The following AFF3 variants were observed in gnomAD, a reference collection of about 807,000 sequenced individuals.
AFF3 encodes AF4/FMR2 family member 3.
In AFF3, 32 loss-of-function variants were observed where a neutral mutation model predicts 129.7. The ratio of observed to expected loss-of-function variants is 0.25; its 90% CI spans 0.19 to 0.33. AFF3 has a LOEUF of 0.33. Ranked by LOEUF, AFF3 falls within the 10% of genes least tolerant of loss-of-function variation. The pLI, the probability that AFF3 is intolerant of heterozygous loss-of-function variation, is 1.00. For synonymous variants in AFF3, 644 were observed against 635.4 expected, an observed-to-expected ratio of 1.01 and a Z score of -0.20; for missense variants, 1,373 against 1,592.0, an observed-to-expected ratio of 0.86 and a Z score of 2.34.
intron 4 of AFF3, among the ~76,000 whole-genome samples, chr2:100,014,159 T>C (rs991894594): frequency 5.3e-5 from 8 of 151,752 alleles, no homozygotes; most frequent in Admixed American, 2.6e-4. Flanking sequence ...GCATTTCCCA[T>C]GGAGGAGACT....
In AFF3 at chr2:99,570,177, C is replaced by T. The variant is rs955505978; in HGVS notation, c.2919-1262G>A. Among the ~76,000 whole-genome samples, 80 of 152,270 alleles carry T rather than the reference C, an allele frequency of 5.3e-4. 1 individual carries two copies. In the Middle Eastern group the frequency reaches 0.01, roughly 19 times the overall value. On this transcript the variant is annotated intron_variant, in intron 18 of 24. Coordinates refer to ENST00000672756, the MANE Select transcript of AFF3 (RefSeq NM_001386135.1). ...TAGGAAGGCCCTGCTCCTGCCACTC[C>T]GTTTTCTCTCTTGCATCTCCTGGGT... is the stretch of plus-strand genomic sequence containing the variant.
At chr2:100,078,373 TTTTA>T (rs370030989) in intron 4 of AFF3, among the ~76,000 whole-genome samples, 2 of 152,182 alleles carry the variant, frequency 1.3e-5, no homozygotes, top group Non-Finnish European at 2.9e-5. Context: ...CAGGGCTTGT[TTTTA>T]TTTATTTATT....
At chr2:100,139,084 G>T (rs996491507) in intron 1 of AFF3, among the ~76,000 whole-genome samples, 7 of 152,292 alleles carry the variant, frequency 4.6e-5, no homozygotes, top group East Asian at 1.9e-4. Flanking sequence ...AGGATGAAGG[G>T]CGGAAGGGAA....
Position 99,593,657 on chromosome 2 carries a change from T to C in AFF3, c.2004A>G (p.Thr668=), listed in dbSNP as rs761294646. 1 of 1,606,312 alleles carries C rather than the reference T, an allele frequency of 6.2e-7. No individual in the cohort carries two copies. Among genetic ancestry groups the C allele is most frequent in the South Asian group, 1.1e-5 (1 of 90,894 alleles). Residue 668 remains threonine, a synonymous_variant, in exon 15 of 25, where the codon ACA becomes ACG. Coordinates refer to ENST00000672756, the MANE Select transcript of AFF3 (RefSeq NM_001386135.1). ...IVPKSKEFIE[T]ESSSSSSSSD... ...AGGAGGAGGATGAAGATGACGACTC[T>C]GTCTCAATGAACTCCTTGGATTTGG...
intron 7 of AFF3, among the ~76,000 whole-genome samples, chr2:99,859,854 G>A (rs551345568): frequency 3.9e-5 from 6 of 152,078 alleles, no homozygotes; most frequent in Non-Finnish European, 7.4e-5. Context: ...TTAGGCCTGG[G>A]GGTGATCAGC....
chr2:99,925,883 T>G (rs377681291), intron 7 of AFF3, among the ~76,000 whole-genome samples: 1 of 152,050 alleles, frequency 6.6e-6, no homozygotes, highest in African/African-American at 2.4e-5. Context: ...TCCCAGGGAG[T>G]TGCTGTACTA....
chr2:99,659,286 C>T (rs1558711381), intron 12 of AFF3, among the ~76,000 whole-genome samples: 1 of 152,200 alleles, frequency 6.6e-6, no homozygotes, highest in East Asian at 1.9e-4. Flanking sequence ...ACTGTGCCTT[C>T]TGGATGTGCA....
chr2:99,642,730 C>A (rs977232125), intron 13 of AFF3, among the ~76,000 whole-genome samples: 1 of 152,202 alleles, frequency 6.6e-6, no homozygotes, highest in Non-Finnish European at 1.5e-5. Context: ...TGATGGGAGG[C>A]AAGAGAATCA....
chr2:99,723,306 G>A (rs1225177779), intron 11 of AFF3, among the ~76,000 whole-genome samples: 3 of 152,100 alleles, frequency 2.0e-5, no homozygotes, highest in South Asian at 4.1e-4. Context: ...AATCATGATC[G>A]ATCTCCCGTT....
chr2:99,581,484 T>C (rs1036534125), intron 17 of AFF3, among the ~76,000 whole-genome samples: 1 of 152,014 alleles, frequency 6.6e-6, no homozygotes, highest in Non-Finnish European at 1.5e-5. Context: ...CACTGCTCCC[T>C]CCCTCATCTT....
At position 99,593,224 on chromosome 2, in the gene AFF3, C is replaced by A; in HGVS notation, c.2437G>T (p.Ala813Ser). 1 of 1,595,492 alleles carries A rather than the reference C, an allele frequency of 6.3e-7. No individual in the cohort carries two copies. Among genetic ancestry groups the A allele is most frequent in the East Asian group, 2.2e-5 (1 of 44,460 alleles). Residue 813 changes from alanine to serine, a missense_variant, in exon 15 of 25, where the codon GCT (alanine) becomes TCT (serine). Transcript: ENST00000672756. ...SHTSDTPAEK[A>S]LPKSKRKRKC... ...CGTTTCCTCTTGGATTTTGGCAAAG[C>A]CTTTTCTGCAGGTGTGTCCGAGGTG...
At chr2:100,007,120 A>C in intron 6 of AFF3, 28 bp downstream of exon 6, 1 of 1,606,706 alleles carries the variant, frequency 6.2e-7, no homozygotes, top group Non-Finnish European at 8.5e-7. Flanking sequence ...AGATTTGTGC[A>C]AATCAAGCAA....
intron 1 of AFF3, among the ~76,000 whole-genome samples, chr2:100,142,229 T>C (rs996653098): frequency 2.7e-5 from 4 of 149,596 alleles, no homozygotes; most frequent in African/African-American, 4.9e-5. Context: ...CACACACACA[T>C]GCACACGCAC....
chr2:99,836,949 G>T lies in AFF3; in HGVS notation c.921+528C>A, dbSNP rs541338992. ...AATCTGGGCACGAAACTGGTTCAGG[G>T]AGGGAACCCACACTAGACACAACGG... On this transcript the variant is annotated intron_variant, in intron 8 of 24. Coordinates refer to ENST00000672756, the MANE Select transcript of AFF3 (RefSeq NM_001386135.1). Among the ~76,000 whole-genome samples, 31 of 152,306 alleles carry T rather than the reference G, an allele frequency of 2.0e-4. No individual in the cohort carries two copies. The South Asian group carries it at 6.0e-3, about 30-fold the overall frequency.
chr2:100,123,853 G>A (rs1692079502), intron 2 of AFF3, among the ~76,000 whole-genome samples: 1 of 152,174 alleles, frequency 6.6e-6, no homozygotes, highest in South Asian at 2.1e-4. Flanking sequence ...GAACCACCAG[G>A]CACATAAAGA....
At chr2:99,974,189 T>TAAGTGA (rs1678657976) in intron 7 of AFF3, among the ~76,000 whole-genome samples, 1 of 152,232 alleles carries the variant, frequency 6.6e-6, no homozygotes, top group South Asian at 2.1e-4. Flanking sequence ...ATTTTCCCCC[T>TAAGTGA]AAGTGAAATG....
At chr2:99,612,169 G>C (rs142291834) in intron 13 of AFF3, among the ~76,000 whole-genome samples, 4 of 152,284 alleles carry the variant, frequency 2.6e-5, no homozygotes, top group African/African-American at 9.6e-5. Context: ...CTTAGCAGGA[G>C]GAAGAGGAAA....
intron 7 of AFF3, among the ~76,000 whole-genome samples, chr2:99,975,610 G>A (rs188326152): frequency 6.6e-6 from 1 of 152,114 alleles, no homozygotes; most frequent in East Asian, 1.9e-4. Context: ...GCAGTAGGAG[G>A]CAGGAGGCAT....
intron 2 of AFF3, among the ~76,000 whole-genome samples, chr2:100,118,983 C>T (rs1189333718): frequency 6.6e-6 from 1 of 151,876 alleles, no homozygotes; most frequent in Non-Finnish European, 1.5e-5. Flanking sequence ...GTATTTTTAG[C>T]AGAGACGGGG....
Sources: gnomAD v4.1 joint callset for allele counts (sites outside exome capture counted in the v4.1 genomes callset) on GRCh38, gnomAD v4.1.1 for gene constraint, MANE v1.5 for transcripts, NCBI Gene and HGNC (gene_info 2026-07-23, HGNC 2026-07-21) for gene names.